PPP2R3B: variants seen among roughly 807,000 people sequenced by gnomAD.
PPP2R3B encodes the protein serine/threonine-protein phosphatase 2A regulatory subunit B'' subunit beta.
In PPP2R3B, 68 loss-of-function variants were observed where a neutral mutation model predicts 72.9. The ratio of observed to expected loss-of-function variants is 0.93; its 90% CI spans 0.77 to 1.14. The LOEUF is 1.14. PPP2R3B is among the 50% of genes most tolerant of loss of function. The pLI, the probability that PPP2R3B is intolerant of heterozygous loss-of-function variation, is 0.00. For missense variants in PPP2R3B, 1,018 were observed against 842.0 expected (o/e 1.21, Z -2.59); for synonymous variants, 466 against 375.8 (o/e 1.24, Z -2.78).
Position 346,529 on chromosome X carries a change from C to G in PPP2R3B, c.792+172G>C, listed in dbSNP as rs939411171. 7.3e-6 allele frequency: 5 copies of G among 685,724 alleles called. No homozygotes were observed. In the African/African-American group the frequency reaches 9.2e-5, roughly 13 times the overall value. 42.5% of individuals were successfully genotyped at this position (685,724 alleles called of 1,614,324 possible). A position where few individuals can be genotyped will look rare whatever the true frequency, so the allele number is the denominator to read the frequency against. On this transcript the variant is annotated intron_variant, in intron 5 of 12. Transcript: ENST00000390665. ...GGCCACCCCGGAAAACCAGAGTCCC[C>G]CCAACACCGGGCTCCCGGGCGGGTG...
In PPP2R3B at chrX:339,150, G is replaced by A. The variant is rs748439030; in HGVS notation, c.1352-254C>T. Among the ~76,000 whole-genome samples the A allele has an allele frequency of 1.2e-4, 16 of 138,418 alleles. No homozygotes were observed. In the South Asian group the frequency reaches 2.6e-3, roughly 22 times the overall value. The allele number at this position is 138,418 out of a possible 152,430, so 90.8% of individuals were successfully genotyped here. On this transcript the variant is annotated intron_variant, in intron 10 of 12. Coordinates refer to ENST00000390665, the MANE Select transcript of PPP2R3B (RefSeq NM_013239.5). The stretch of plus-strand genomic sequence containing the variant: ...CAAGGATGCGTGGACTGGGACTAGC[G>A]CAGGGAGGCGCGGCCAGCAGGGGCG...
Position 370,776 on chromosome X carries a change from C to T in PPP2R3B, c.325-9186G>A, listed in dbSNP as rs2071842780. Among the ~76,000 whole-genome samples, 3 of 152,282 alleles carry T rather than the reference C, an allele frequency of 2.0e-5. No homozygotes were observed. The South Asian group carries it at 6.2e-4, about 32-fold the overall frequency. ...CACTGGCCTTGGGAGGGGAACGGCA[C>T]GTGCCCTGGCGGTGAGAGCAGGAGG... On this transcript the variant is annotated intron_variant, in intron 1 of 12. Coordinates refer to ENST00000390665, the MANE Select transcript of PPP2R3B (RefSeq NM_013239.5).
In PPP2R3B at chrX:346,762, G is replaced by A; in HGVS notation, c.731C>T (p.Thr244Met). 1.9e-6 allele frequency: 3 copies of A among 1,609,950 alleles called. No individual in the cohort carries two copies. Among genetic ancestry groups the A allele is most frequent in the Non-Finnish European group, 2.5e-6 (3 of 1,178,488 alleles). Residue 244 changes from threonine to methionine, a missense_variant, in exon 5 of 13, where the codon ACG becomes ATG. By Grantham distance (81) the Thr-to-Met change is moderately conservative. Coordinates refer to ENST00000390665, the MANE Select transcript of PPP2R3B (RefSeq NM_013239.5). Reference protein sequence around the residue: ...FVPFLQDVVNTHPGLSFLKEA... With the variant: ...FVPFLQDVVNMHPGLSFLKEA... The stretch of plus-strand genomic sequence containing the variant: ...CTTCAGGAACGACAGCCCCGGGTGC[G>A]TGTTCACCACGTCCTGCGGGTGGGA...
chrX:363,626 G>A (rs1322875658), intron 1 of PPP2R3B, among the ~76,000 whole-genome samples: 45 of 4,540 alleles, frequency 9.9e-3, no homozygotes, highest in Middle Eastern at 0.17. Flanking sequence ...GCATCTCCCC[G>A]AGCCCACCAT....
At chrX:339,218 G>A (rs982385266) in intron 10 of PPP2R3B, among the ~76,000 whole-genome samples, 6 of 150,270 alleles carry the variant, frequency 4.0e-5, no homozygotes, top group African/African-American at 7.3e-5. Flanking sequence ...CCCCGTGCAG[G>A]CAGAGGCCAG....
chrX:374,571 C>T (rs2071948660), intron 1 of PPP2R3B, among the ~76,000 whole-genome samples: 1 of 152,094 alleles, frequency 6.6e-6, no homozygotes. Flanking sequence ...GCTGACATTC[C>T]GGGGGCCTGC....
intron 1 of PPP2R3B, among the ~76,000 whole-genome samples, chrX:364,098 G>A (rs905089759): frequency 2.6e-5 from 4 of 152,238 alleles, no homozygotes; most frequent in Admixed American, 2.6e-4. Flanking sequence ...GGCCGAGCGG[G>A]CTCACCCGAA....
intron 2 of PPP2R3B, among the ~76,000 whole-genome samples, chrX:350,360 TC>T (rs1481385975): frequency 2.0e-5 from 3 of 152,024 alleles, no homozygotes; most frequent in African/African-American, 4.8e-5. Context: ...ACACGTGCGC[TC>T]CCTGAAGGAA....
chrX:364,017 C>T (rs1461312440), intron 1 of PPP2R3B, among the ~76,000 whole-genome samples: 1 of 152,258 alleles, frequency 6.6e-6, no homozygotes, highest in African/African-American at 2.4e-5. Context: ...ACACCTCAGG[C>T]CACAGCTGCC....
intron 1 of PPP2R3B, among the ~76,000 whole-genome samples, chrX:364,010 C>G (rs1214990172): frequency 1.3e-5 from 2 of 152,254 alleles, no homozygotes; most frequent in Admixed American, 1.3e-4. Context: ...AAGGAGGACA[C>G]CTCAGGCCAC....
chrX:378,229 G>A (rs899550300), intron 1 of PPP2R3B, among the ~76,000 whole-genome samples: 4 of 152,182 alleles, frequency 2.6e-5, no homozygotes, highest in African/African-American at 9.7e-5. Flanking sequence ...AATCTCCACC[G>A]TCCCTCTGCT....
At chrX:345,462 A>T (rs748674755) in intron 7 of PPP2R3B, 54 bp downstream of exon 7, 2 of 1,607,882 alleles carry the variant, frequency 1.2e-6, no homozygotes, top group Non-Finnish European at 1.7e-6. Flanking sequence ...AGGCCCTGAG[A>T]GAAGGGTGTG....
At chrX:373,618 G>A (rs978386957) in intron 1 of PPP2R3B, 20 of 293,010 alleles carry the variant, frequency 6.8e-5, no homozygotes, top group African/African-American at 4.0e-4. Flanking sequence ...TCCTGGCGCA[G>A]GTCGGGGTCC....
At chrX:359,406 A>G (rs1338101049) in intron 2 of PPP2R3B, among the ~76,000 whole-genome samples, 1 of 152,266 alleles carries the variant, frequency 6.6e-6, no homozygotes, top group Non-Finnish European at 1.5e-5. Context: ...GCACTGCTGT[A>G]ACTACTTTTG....
chrX:349,769 C>G (rs1434002798), intron 2 of PPP2R3B, among the ~76,000 whole-genome samples: 1 of 152,138 alleles, frequency 6.6e-6, no homozygotes, highest in Non-Finnish European at 1.5e-5. Context: ...GAAAAATCAA[C>G]CTACGAAAAA....
chrX:344,786 G>T (rs1190555010), intron 7 of PPP2R3B: 4 of 278,530 alleles, frequency 1.4e-5, no homozygotes, highest in African/African-American at 8.9e-5. Context: ...GGGATCTACT[G>T]CGGCCACGCG....
At chrX:347,916 C>T (rs2071257510) in intron 2 of PPP2R3B, 2 of 532,352 alleles carry the variant, frequency 3.8e-6, no homozygotes, top group South Asian at 5.5e-5. Context: ...CACGCAGTAT[C>T]CCCTGACCAC....
At chrX:338,955 G>T (rs1280966739) in intron 10 of PPP2R3B, 59 bp from the exon 11 acceptor site, 1 of 1,417,598 alleles carries the variant, frequency 7.1e-7, no homozygotes, top group Non-Finnish European at 1.0e-6. Context: ...CGGGGCCTGG[G>T]TGTGGGGTGC....
rs370765133 is a variant in PPP2R3B, at chrX:334,032, G to C, written c.*335C>G. 8.1e-6 allele frequency: 2 copies of C among 248,250 alleles called. No homozygotes were observed. The highest frequency in any genetic ancestry group is 1.5e-4 in the East Asian group (2 of 13,106). 15.4% of individuals were successfully genotyped at this position (248,250 alleles called of 1,614,324 possible). A position where few individuals can be genotyped will look rare whatever the true frequency, so the allele number is the denominator to read the frequency against. The stretch of plus-strand genomic sequence containing the variant: ...GGAGGCTCCTGTCCAGGACTGAGGC[G>C]CCCGGGAGCCGCCGGTCACCGTTGT... On this transcript the variant is annotated 3_prime_UTR_variant, in exon 13 of 13. Transcript: ENST00000390665.
Sources: allele counts gnomAD v4.1 joint callset (sites outside exome capture counted in the v4.1 genomes callset), GRCh38; gene constraint gnomAD v4.1.1; transcripts MANE v1.5; gene names NCBI Gene and HGNC (gene_info 2026-07-23, HGNC 2026-07-21).